The following TMX2 variants were observed in gnomAD, a reference collection of about 807,000 sequenced individuals.
TMX2 encodes the protein thioredoxin-related transmembrane protein 2.
Under a neutral mutation model 33.4 loss-of-function variants are expected in TMX2, and 20 were observed. That is an observed-to-expected ratio of 0.60 (90% CI 0.42 to 0.87). The LOEUF (loss-of-function observed/expected upper bound fraction) is 0.87, where lower values mean the gene tolerates loss of function less well. Ranked by LOEUF, TMX2 falls within the 40% of genes least tolerant of loss-of-function variation. The pLI is 0.00. For missense variants in TMX2, 340 were observed against 370.7 expected (o/e 0.92, Z 0.68); for synonymous variants, 166 against 140.7 (o/e 1.18, Z -1.27).
chr11:57,736,567 C>T (rs1194214203), intron 1 of TMX2, among the ~76,000 whole-genome samples: 3 of 151,662 alleles, frequency 2.0e-5, no homozygotes, highest in Non-Finnish European at 2.9e-5. Context: ...TGGATTATCA[C>T]GATGCATATT....
intron 1 of TMX2, chr11:57,718,395 C>A: frequency 7.0e-7 from 1 of 1,432,150 alleles, no homozygotes; most frequent in Non-Finnish European, 9.8e-7. Context: ...CTCTTACAAC[C>A]AAATCCTTTT....
chr11:57,738,177 G>T (rs1948866995), intron 3 of TMX2, 151 bp downstream of exon 3: 3 of 743,012 alleles, frequency 4.0e-6, no homozygotes, highest in Non-Finnish European at 6.7e-6. Context: ...TATATATGTA[G>T]CTCAGATGAT....
chr11:57,718,647 C>G (rs1947337819), intron 1 of TMX2: 1 of 338,692 alleles, frequency 3.0e-6, no homozygotes, highest in African/African-American at 2.2e-5. Flanking sequence ...TGAAATAACC[C>G]CCCCTCTTTT....
intron 1 of TMX2, among the ~76,000 whole-genome samples, chr11:57,730,354 G>T (rs1948286727): frequency 6.8e-6 from 1 of 147,276 alleles, no homozygotes; most frequent in Non-Finnish European, 1.5e-5. Flanking sequence ...TTGAACCTGG[G>T]AGGTGGAGGT....
intron 1 of TMX2, among the ~76,000 whole-genome samples, chr11:57,726,139 G>C (rs946543597): frequency 2.0e-5 from 3 of 152,104 alleles, no homozygotes; most frequent in African/African-American, 7.2e-5. Context: ...TCTGCCGGGC[G>C]TGGTGGTTCA....
intron 1 of TMX2, among the ~76,000 whole-genome samples, chr11:57,732,535 C>T (rs1948463777): frequency 6.6e-6 from 1 of 152,046 alleles, no homozygotes; most frequent in South Asian, 2.1e-4. Flanking sequence ...TTATAAAGTT[C>T]ATTTACCTGT....
intron 1 of TMX2, among the ~76,000 whole-genome samples, chr11:57,730,179 A>G (rs1356515102): frequency 6.7e-6 from 1 of 148,584 alleles, no homozygotes; most frequent in Non-Finnish European, 1.5e-5. Flanking sequence ...TAATCCCAGT[A>G]ACTTTGGGAG....
chr11:57,737,608 A>G lies in TMX2; in HGVS notation c.190A>G (p.Arg64Gly). The change falls in exon 2 of 8, where the codon AGA becomes GGA. Residue 64 changes from arginine (R) to glycine (G), a missense_variant and splice_region_variant. Physicochemically the swap from Arg to Gly is moderately radical, Grantham distance 125. Coordinates refer to ENST00000278422, the MANE Select transcript of TMX2 (RefSeq NM_015959.4). ...TTATAATACTTCGATTCTGTTCCAG[A>G]GAGAAGTGGAGATCCTGATGTTTCT... is the stretch of plus-strand genomic sequence containing the variant. ...EDGNPCDFDWREVEILMFLSA... is the reference protein window; with the variant it reads ...EDGNPCDFDWGEVEILMFLSA... 1.2e-6 allele frequency: 2 copies of G among 1,613,902 alleles called. No individual in the cohort carries two copies. Among genetic ancestry groups the G allele is most frequent in the Non-Finnish European group, 1.7e-6 (2 of 1,179,750 alleles).
At chr11:57,726,297 C>A (rs563288462) in intron 1 of TMX2, among the ~76,000 whole-genome samples, 4 of 152,114 alleles carry the variant, frequency 2.6e-5, no homozygotes, top group African/African-American at 9.6e-5. Flanking sequence ...CCTGTAGTCC[C>A]AGCTACTCAG....
At chr11:57,737,543 C>G in intron 1 of TMX2, 65 bp from the exon 2 acceptor site, 2 of 1,377,770 alleles carry the variant, frequency 1.5e-6, no homozygotes, top group Non-Finnish European at 2.1e-6. Context: ...ATATTTAGTT[C>G]CCTTTCCCAC....
At chr11:57,732,370 CCT>C (rs1366732007) in intron 1 of TMX2, among the ~76,000 whole-genome samples, 1 of 152,172 alleles carries the variant, frequency 6.6e-6, no homozygotes, top group Non-Finnish European at 1.5e-5. Context: ...TTTCCTGCTT[CCT>C]CTTTTTCCCA....
chr11:57,733,341 C>T (rs892494410), intron 1 of TMX2, among the ~76,000 whole-genome samples: 3 of 150,258 alleles, frequency 2.0e-5, no homozygotes, highest in Non-Finnish European at 4.4e-5. Flanking sequence ...CTGCAACCTC[C>T]GCCTCTCGGG....
At chr11:57,733,163 A>G (rs1168572755) in intron 1 of TMX2, among the ~76,000 whole-genome samples, 2 of 150,198 alleles carry the variant, frequency 1.3e-5, no homozygotes, top group East Asian at 3.9e-4. Context: ...GCACATGACT[A>G]TATATTTCAC....
rs770515138 is a variant in TMX2 at position 57,737,919 on chromosome 11, T to C, written c.257T>C (p.Val86Ala). The C allele has an allele frequency of 6.2e-7, 1 of 1,614,200 alleles. No homozygotes were observed. The highest frequency in any genetic ancestry group is 1.1e-5 in the South Asian group (1 of 91,086). The change falls in exon 3 of 8, where the codon GTG becomes GCG. Residue 86 changes from valine (V) to alanine (A), a missense_variant. Around this residue, in one of 3 missense-constraint regions of TMX2, gnomAD observed 25 missense variants for 46.5 expected, o/e 0.54. Coordinates refer to ENST00000278422, the MANE Select transcript of TMX2 (RefSeq NM_015959.4). Reference protein sequence around the residue: ...VMMKNRRSITVEQHIGNIFMF... With the variant: ...VMMKNRRSITAEQHIGNIFMF... ...TGACATCTCTGTGTTTCAGTCACTG[T>C]GGAGCAACATATAGGCAACATTTTC...
intron 1 of TMX2, among the ~76,000 whole-genome samples, chr11:57,715,894 T>C (rs547664778): frequency 1.7e-3 from 252 of 152,088 alleles, no homozygotes; most frequent in African/African-American, 5.4e-3. Context: ...AGCACAGGGT[T>C]GGGGGTAAGG....
intron 1 of TMX2, among the ~76,000 whole-genome samples, chr11:57,733,034 GTATT>G (rs1399547978): frequency 2.0e-5 from 3 of 152,220 alleles, no homozygotes; most frequent in Admixed American, 6.5e-5. Flanking sequence ...ACAATGGTAA[GTATT>G]TATGTATCTA....
intron 1 of TMX2, among the ~76,000 whole-genome samples, chr11:57,731,037 A>G (rs943509427): frequency 6.6e-5 from 10 of 151,998 alleles, no homozygotes; most frequent in Admixed American, 5.9e-4. Context: ...TTTTAATTCA[A>G]TAAATTTTTA....
At chr11:57,728,462 G>T (rs1948144332) in intron 1 of TMX2, among the ~76,000 whole-genome samples, 1 of 152,116 alleles carries the variant, frequency 6.6e-6, no homozygotes, top group African/African-American at 2.4e-5. Flanking sequence ...TGGAGGTAAG[G>T]TACCAGCAGG....
intron 1 of TMX2, among the ~76,000 whole-genome samples, chr11:57,721,007 GT>G (rs5792057): frequency 6.1e-4 from 88 of 144,968 alleles, no homozygotes; most frequent in Middle Eastern, 3.5e-3. Flanking sequence ...AAAGATAGCT[GT>G]TTTTTTTTTT....
Sources: gnomAD v4.1 joint callset for allele counts (sites outside exome capture counted in the v4.1 genomes callset) on GRCh38, gnomAD v4.1.1 for gene constraint, gnomAD v4.1.1 regional missense constraint, MANE v1.5 for transcripts, NCBI Gene and HGNC (gene_info 2026-07-23, HGNC 2026-07-21) for gene names.